The following CHRND variants were observed in gnomAD, a reference collection of about 807,000 sequenced individuals.
The protein encoded by CHRND is acetylcholine receptor subunit delta.
CHRND carries 40 observed loss-of-function variants against 57.8 expected under a neutral mutation model. The observed-to-expected ratio is 0.69, with a 90% CI of 0.54 to 0.90. CHRND has a LOEUF of 0.90. Ranked by LOEUF, CHRND falls within the 40% of genes least tolerant of loss-of-function variation. The pLI is 0.00. For missense variants in CHRND, 634 were observed against 673.9 expected (o/e 0.94, Z 0.66); for synonymous variants, 237 against 270.6 (o/e 0.88, Z 1.22).
At chr2:232,534,482 C>A in intron 11 of CHRND, 140 bp downstream of exon 11, 1 of 904,482 alleles carries the variant, frequency 1.1e-6, no homozygotes, top group Non-Finnish European at 1.8e-6. Context: ...GATTCCAGGC[C>A]CCCCCGCCAG....
chr2:232,535,445 C>A lies in CHRND; in HGVS notation c.*133C>A. 9.0e-7 allele frequency: 1 copy of A among 1,110,892 alleles called. No individual in the cohort carries two copies. The highest frequency in any genetic ancestry group is 1.3e-6 in the Non-Finnish European group (1 of 755,356). The allele number at this position is 1,110,892 out of a possible 1,614,324, so 68.8% of individuals were successfully genotyped here. A position where few individuals can be genotyped will look rare whatever the true frequency, so the allele number is the denominator to read the frequency against. ...GAGTCCAAGGAAGGGAGGGAGCAGC[C>A]ACTCCTCAATGCTCAATGGCTCCCC... is the stretch of plus-strand genomic sequence containing the variant. On this transcript the variant is annotated 3_prime_UTR_variant, in exon 12 of 12. Transcript: ENST00000258385.
rs886225762 is a variant in CHRND, at chr2:232,526,233, G to A, written c.18G>A (p.Leu6=). ...GGGATGGGATGGAGGGGCCAGTGCT[G>A]ACACTGGGGCTGCTGGCTGCCCTGG... MEGPV[L]TLGLLAALAV... The change falls in exon 1 of 12, where the codon CTG becomes CTA. Residue 6 remains leucine, a synonymous_variant. Coordinates refer to ENST00000258385, the MANE Select transcript of CHRND (RefSeq NM_000751.3). 6 of 1,613,470 alleles carry A rather than the reference G, an allele frequency of 3.7e-6. No individual in the cohort carries two copies. The highest frequency in any genetic ancestry group is 5.1e-6 in the Non-Finnish European group (6 of 1,179,810).
rs1406141767 is a variant in CHRND, at chr2:232,534,252, C to G, written c.1281C>G (p.Ala427=). 2 of 1,614,188 alleles carry G rather than the reference C, an allele frequency of 1.2e-6. No homozygotes were observed. Among genetic ancestry groups the G allele is most frequent in the Admixed American group, 3.3e-5 (2 of 60,026 alleles). The change falls in exon 11 of 12, where the codon GCC becomes GCG. Residue 427 remains alanine, a synonymous_variant. Coordinates refer to ENST00000258385, the MANE Select transcript of CHRND (RefSeq NM_000751.3). ...GGCCCCCAGCAAGCTCTGAGCAGGC[C>G]CAGCAGGAACTCTTCAATGAGCTGA... ...ARRPPASSEQ[A]QQELFNELKP... is the part of the protein sequence containing the mutation.
rs183632343 is a variant in CHRND, at chr2:232,533,661, C to T, written c.1048-270C>T. Among the ~76,000 whole-genome samples the T allele has an allele frequency of 2.1e-3, 324 of 152,258 alleles. 2 individuals are homozygous for T. Among genetic ancestry groups the T allele is most frequent in the Non-Finnish European group, 3.8e-3 (259 of 68,020 alleles). ...TTGGGAGGCCAAGTCAGGCAGATCACGAGGTCAGGAGAGCAAGACCATCCT... is the reference window on the plus strand; with the variant it reads ...TTGGGAGGCCAAGTCAGGCAGATCATGAGGTCAGGAGAGCAAGACCATCCT... On this transcript the variant is annotated intron_variant, in intron 9 of 11. Transcript: ENST00000258385.
At position 232,531,332 on chromosome 2, in the gene CHRND, G is replaced by C. The variant is rs1358612163; in HGVS notation, c.821-20G>C. ...CTAGGACCGGTGCCCCAAGGTCACAGCTAAGTCTGGCTTCCCCAGGTGGTG... is the reference window on the plus strand; with the variant it reads ...CTAGGACCGGTGCCCCAAGGTCACACCTAAGTCTGGCTTCCCCAGGTGGTG... On this transcript the variant is annotated intron_variant, in intron 7 of 11. Coordinates refer to ENST00000258385, the MANE Select transcript of CHRND (RefSeq NM_000751.3). 1.3e-6 allele frequency: 2 copies of C among 1,582,832 alleles called. No homozygotes were observed. The highest frequency in any genetic ancestry group is 2.2e-5 in the South Asian group (2 of 90,272).
chr2:232,535,654 C>T lies in CHRND; in HGVS notation c.*342C>T, dbSNP rs1243263595. 8.0e-6 allele frequency: 4 copies of T among 502,810 alleles called. No homozygotes were observed. Among genetic ancestry groups the T allele is most frequent in the Admixed American group, 2.3e-5 (1 of 43,790 alleles). The allele number at this position is 502,810 out of a possible 1,614,324, so 31.1% of individuals were successfully genotyped here. On this transcript the variant is annotated 3_prime_UTR_variant, in exon 12 of 12. Coordinates refer to ENST00000258385, the MANE Select transcript of CHRND (RefSeq NM_000751.3). ...AGATAGGGCCCCTTCTCTGCTTCTCCTCCCCCAAGGTGTGGGGTAGAGCAG... is the reference window on the plus strand; with the variant it reads ...AGATAGGGCCCCTTCTCTGCTTCTCTTCCCCCAAGGTGTGGGGTAGAGCAG...
At position 232,531,540 on chromosome 2, in the gene CHRND, A is replaced by G. The variant is rs1064795719; in HGVS notation, c.933-2A>G. The G allele has an allele frequency of 6.2e-7, 1 of 1,614,052 alleles. No homozygotes were observed. Among genetic ancestry groups the G allele is most frequent in the Non-Finnish European group, 8.5e-7 (1 of 1,179,990 alleles). Reference sequence around the variant, plus strand: ...AGCTCCAAGCTGAGTGTTTGCCCACAGGTTCCTGCTCTTCGGCATGGTGCT... The same window carrying G: ...AGCTCCAAGCTGAGTGTTTGCCCACGGGTTCCTGCTCTTCGGCATGGTGCT... On this transcript the variant is annotated splice_acceptor_variant, in intron 8 of 11. Transcript: ENST00000258385. LOFTEE classifies it high-confidence loss of function.
intron 1 of CHRND, 65 bp from the exon 2 acceptor site, chr2:232,526,464 G>A: frequency 1.2e-6 from 2 of 1,610,506 alleles, no homozygotes; most frequent in Non-Finnish European, 1.7e-6. Flanking sequence ...AGGACCTCAG[G>A]GCAGCTTCCT....
rs755932022 is a variant in CHRND, at chr2:232,530,060, C to T, written c.741C>T (p.Leu247=). 5 of 1,614,224 alleles carry T rather than the reference C, an allele frequency of 3.1e-6. No homozygotes were observed. The highest frequency in any genetic ancestry group is 1.3e-5 in the African/African-American group (1 of 75,060). Residue 247 remains leucine (L), a synonymous_variant, in exon 7 of 12, where the codon CTC becomes CTT. Transcript: ENST00000258385. ...TFYLIIRRKP[L]FYIINILVPC... ...ACCTCATCATCCGCCGCAAGCCCCT[C>T]TTCTACATCATCAACATCCTGGTGC...
In CHRND at chr2:232,535,674, G is replaced by A; in HGVS notation, c.*362G>A. On this transcript the variant is annotated 3_prime_UTR_variant, in exon 12 of 12. Transcript: ENST00000258385. ...TTCTCCTCCCCCAAGGTGTGGGGTA[G>A]AGCAGGCAGGAATCTGCGCCTTCAC... 4.2e-6 allele frequency: 2 copies of A among 481,542 alleles called. No individual in the cohort carries two copies. Among genetic ancestry groups the A allele is most frequent in the Non-Finnish European group, 4.1e-6 (1 of 245,770 alleles). The allele number at this position is 481,542 out of a possible 1,614,324, so 29.8% of individuals were successfully genotyped here. A position where few individuals can be genotyped will look rare whatever the true frequency, so the allele number is the denominator to read the frequency against.
At chr2:232,533,333 T>C (rs1338887068) in intron 9 of CHRND, among the ~76,000 whole-genome samples, 2 of 152,226 alleles carry the variant, frequency 1.3e-5, no homozygotes, top group Non-Finnish European at 2.9e-5. Flanking sequence ...GCAACTCTTT[T>C]TGTCTTTCAG....
intron 9 of CHRND, among the ~76,000 whole-genome samples, chr2:232,532,005 G>A (rs1050320608): frequency 4.1e-5 from 6 of 147,536 alleles, no homozygotes; most frequent in Non-Finnish European, 8.9e-5. Context: ...CCAAAAGCTG[G>A]AGACTAAGCC....
In CHRND at chr2:232,526,169, C is replaced by T. The variant is rs778460094; in HGVS notation, c.-47C>T. On this transcript the variant is annotated 5_prime_UTR_variant, in exon 1 of 12. Transcript: ENST00000258385. Reference sequence around the variant, plus strand: ...TCTCCCGCCCACCCTCATTCCACAGCCCTGTAGACAGGAGGGGCAGATGCA... The same window carrying T: ...TCTCCCGCCCACCCTCATTCCACAGTCCTGTAGACAGGAGGGGCAGATGCA... 1.3e-6 allele frequency: 2 copies of T among 1,580,870 alleles called. No homozygotes were observed. The highest frequency in any genetic ancestry group is 3.3e-5 in the Admixed American group (2 of 59,892).
rs886055785 is a variant in CHRND, at chr2:232,535,933, A to ACAATC, written c.*623_*627dup. ...TTGGGGTCAGCCTGAGGTTGCACAC[A>ACAATC]CAATCCTAGAGGACCAGAACGCAGC... On this transcript the variant is annotated 3_prime_UTR_variant, in exon 12 of 12. Transcript: ENST00000258385. 23 of 453,996 alleles carry ACAATC rather than the reference A, an allele frequency of 5.1e-5. No individual in the cohort carries two copies. The highest frequency in any genetic ancestry group is 8.8e-5 in the Non-Finnish European group (20 of 226,802). 28.1% of individuals were successfully genotyped at this position (453,996 alleles called of 1,614,324 possible). A position where few individuals can be genotyped will look rare whatever the true frequency, so the allele number is the denominator to read the frequency against.
intron 11 of CHRND, 104 bp from the exon 12 acceptor site, chr2:232,535,026 G>T: frequency 7.3e-7 from 1 of 1,373,212 alleles, no homozygotes; most frequent in East Asian, 2.3e-5. Context: ...GCCTCTGCAG[G>T]CACACTGAGC....
At chr2:232,528,803 C>G in intron 5 of CHRND, 59 bp from the exon 6 acceptor site, 1 of 1,577,378 alleles carries the variant, frequency 6.3e-7, no homozygotes, top group Non-Finnish European at 8.7e-7. Flanking sequence ...CCAGCCCTTC[C>G]CCACTCTGTG....
chr2:232,533,197 T>G (rs1691769546), intron 9 of CHRND, among the ~76,000 whole-genome samples: 1 of 152,106 alleles, frequency 6.6e-6, no homozygotes. Context: ...ATTTTTGTAT[T>G]TTTAGTAGCG....
chr2:232,534,874 G>T (rs1172758741), intron 11 of CHRND, among the ~76,000 whole-genome samples: 6 of 152,172 alleles, frequency 3.9e-5, no homozygotes, highest in Admixed American at 3.9e-4. Context: ...TTCCTCTCTA[G>T]CCCCAGAGCC....
chr2:232,527,762 C>G (rs527251390), intron 3 of CHRND, among the ~76,000 whole-genome samples: 1 of 152,156 alleles, frequency 6.6e-6, no homozygotes, highest in Non-Finnish European at 1.5e-5. Flanking sequence ...GAGAATGCCC[C>G]GCCCAGAGCC....
Sources: allele counts gnomAD v4.1 joint callset (sites outside exome capture counted in the v4.1 genomes callset), GRCh38; gene constraint gnomAD v4.1.1; transcripts MANE v1.5; gene names NCBI Gene and HGNC (gene_info 2026-07-23, HGNC 2026-07-21).